ZNF407: variants seen among roughly 807,000 people sequenced by gnomAD.
ZNF407 encodes zinc finger protein 407.
A neutral mutation model predicts 131.2 loss-of-function variants in ZNF407; 17 were observed. The ratio of observed to expected loss-of-function variants is 0.13; its 90% CI spans 0.09 to 0.19. The LOEUF (loss-of-function observed/expected upper bound fraction) is 0.19, where lower values mean the gene tolerates loss of function less well. Ranked by LOEUF, ZNF407 falls within the 10% of genes least tolerant of loss-of-function variation. The pLI is 1.00. For synonymous variants in ZNF407, 1,156 were observed against 1,062.0 expected (o/e 1.09, Z -1.72); for missense variants, 2,681 against 2,830.6 (o/e 0.95, Z 1.20).
rs371771703 is a variant in ZNF407, at chr18:75,011,044, C to T, written c.5429-52106C>T. Among the ~76,000 whole-genome samples the T allele has an allele frequency of 2.6e-5, 4 of 152,246 alleles. No homozygotes were observed. In the South Asian group the frequency reaches 6.2e-4, roughly 24 times the overall value. ...TAGGAAGGGTGGTGGGAACACAGCA[C>T]TTGGAAAACCTGTGTGGAATTAGTG... On this transcript the variant is annotated intron_variant, in intron 8 of 8. Coordinates refer to ENST00000299687, the MANE Select transcript of ZNF407 (RefSeq NM_017757.3).
chr18:74,845,786 G>A (rs907006305), intron 4 of ZNF407, among the ~76,000 whole-genome samples: 2 of 152,144 alleles, frequency 1.3e-5, no homozygotes, highest in East Asian at 1.9e-4. Context: ...AAAATGTTGG[G>A]GAGATACATA....
At chr18:75,054,491 A>G (rs778311330) in intron 8 of ZNF407, among the ~76,000 whole-genome samples, 9 of 152,256 alleles carry the variant, frequency 5.9e-5, no homozygotes, top group Non-Finnish European at 1.2e-4. Flanking sequence ...TGCCAGAAAA[A>G]GAAAAAGGAA....
At chr18:74,979,457 A>T (rs1039415050) in intron 8 of ZNF407, among the ~76,000 whole-genome samples, 1 of 152,052 alleles carries the variant, frequency 6.6e-6, no homozygotes, top group Non-Finnish European at 1.5e-5. Context: ...ACGCCTGACT[A>T]ATTTTTGTAT....
intron 3 of ZNF407, among the ~76,000 whole-genome samples, chr18:74,712,648 G>C (rs573054257): frequency 6.6e-6 from 1 of 152,238 alleles, no homozygotes; most frequent in African/African-American, 2.4e-5. Flanking sequence ...TCTAGGCAGG[G>C]TGTGATGCAT....
intron 8 of ZNF407, among the ~76,000 whole-genome samples, chr18:74,946,250 A>G (rs1211115622): frequency 6.6e-6 from 1 of 152,204 alleles, no homozygotes; most frequent in Non-Finnish European, 1.5e-5. Context: ...GTTTGTGACT[A>G]ACAGTATGAT....
intron 3 of ZNF407, among the ~76,000 whole-genome samples, chr18:74,755,773 C>CTTTCTT (rs769763395): frequency 0.013 from 1,438 of 113,248 alleles, 33 homozygotes; most frequent in African/African-American, 0.041. Context: ...TTCTTTCTTT[C>CTTTCTT]TCTCTCTCTC....
At chr18:74,816,614 T>C (rs542195697) in intron 4 of ZNF407, among the ~76,000 whole-genome samples, 1 of 152,368 alleles carries the variant, frequency 6.6e-6, no homozygotes, top group African/African-American at 2.4e-5. Context: ...TTTGGCGTTT[T>C]ATTTGTGTGT....
chr18:74,635,691 A>G lies in ZNF407; in HGVS notation c.4672A>G (p.Ile1558Val). 1 of 1,590,660 alleles carries G rather than the reference A, an allele frequency of 6.3e-7. No homozygotes were observed. Among genetic ancestry groups the G allele is most frequent in the Non-Finnish European group, 8.6e-7 (1 of 1,167,920 alleles). ...SSNSMAFLAHIRTHTGSKPFK... is the reference protein window; with the variant it reads ...SSNSMAFLAHVRTHTGSKPFK... ...CAACTCGATGGCCTTCCTGGCACAC[A>G]TTCGCACTCACACAGGTATGTAGCT... Residue 1558 changes from isoleucine (I) to valine (V), a missense_variant, in exon 2 of 9, where the codon ATT becomes GTT. Ile to Val is a conservative substitution (Grantham distance 29). Coordinates refer to ENST00000299687, the MANE Select transcript of ZNF407 (RefSeq NM_017757.3). This position sits in a 1 kb window ranked among gnomAD's most constrained non-coding sequence, Gnocchi z 4.7.
chr18:74,651,941 C>G (rs1026379213), intron 3 of ZNF407, among the ~76,000 whole-genome samples: 1 of 152,108 alleles, frequency 6.6e-6, no homozygotes, highest in African/African-American at 2.4e-5. Context: ...AATGTTATAG[C>G]ATTGCTGTGT....
intron 3 of ZNF407, among the ~76,000 whole-genome samples, chr18:74,735,209 C>T (rs537256564): frequency 1.2e-4 from 18 of 152,092 alleles, no homozygotes; most frequent in Non-Finnish European, 2.4e-4. Context: ...CATTTGCTTT[C>T]GATGCCCTTC....
At chr18:74,765,171 G>A (rs745861471) in intron 3 of ZNF407, among the ~76,000 whole-genome samples, 7 of 152,142 alleles carry the variant, frequency 4.6e-5, no homozygotes, top group Non-Finnish European at 1.0e-4. Flanking sequence ...AATACCAAGG[G>A]ACGGGTGTAC....
intron 8 of ZNF407, among the ~76,000 whole-genome samples, chr18:74,969,571 A>G (rs2145301554): frequency 6.6e-6 from 1 of 152,292 alleles, no homozygotes; most frequent in East Asian, 1.9e-4. Context: ...GAGGGGGCAG[A>G]AAGGGGTTCC....
intron 8 of ZNF407, among the ~76,000 whole-genome samples, chr18:75,054,108 C>G (rs1318537400): frequency 1.3e-5 from 2 of 152,250 alleles, no homozygotes; most frequent in Admixed American, 6.5e-5. Context: ...GAAAGAGCAG[C>G]CATGTGCCCA....
intron 8 of ZNF407, among the ~76,000 whole-genome samples, chr18:74,927,917 T>TTG (rs1489179457): frequency 6.6e-6 from 1 of 152,188 alleles, no homozygotes; most frequent in African/African-American, 2.4e-5. Flanking sequence ...ACTTAAAACT[T>TTG]TTCAGAGTAG....
chr18:74,739,900 G>A (rs1346412397), intron 3 of ZNF407, among the ~76,000 whole-genome samples: 1 of 152,058 alleles, frequency 6.6e-6, no homozygotes, highest in East Asian at 1.9e-4. Flanking sequence ...CTTTATTATT[G>A]TTATTTCTTA....
chr18:74,991,701 A>C (rs375667976), intron 8 of ZNF407, among the ~76,000 whole-genome samples: 2 of 152,200 alleles, frequency 1.3e-5, no homozygotes, highest in Non-Finnish European at 1.5e-5. Flanking sequence ...AGATTTCTCT[A>C]ACATTTCTGA....
chr18:74,626,532 G>T (rs367642899), intron 1 of ZNF407, among the ~76,000 whole-genome samples: 2 of 152,280 alleles, frequency 1.3e-5, no homozygotes, highest in East Asian at 3.9e-4. Context: ...CTCAGTGCAC[G>T]AGTGTGTTGG....
chr18:74,770,602 T>C (rs1017061603), intron 3 of ZNF407, among the ~76,000 whole-genome samples: 9 of 152,166 alleles, frequency 5.9e-5, no homozygotes, highest in African/African-American at 2.2e-4. Flanking sequence ...TTATTTACAG[T>C]TCTTAGAATA....
At chr18:74,828,635 G>A (rs939308418) in intron 4 of ZNF407, among the ~76,000 whole-genome samples, 2 of 151,012 alleles carry the variant, frequency 1.3e-5, no homozygotes, top group Non-Finnish European at 3.0e-5. Flanking sequence ...CCACTGTATA[G>A]CTAGAAGGTT....
Sources: allele counts gnomAD v4.1 joint callset (sites outside exome capture counted in the v4.1 genomes callset), GRCh38; gene constraint gnomAD v4.1.1; non-coding constraint Gnocchi (gnomAD v3.1); transcripts MANE v1.5; gene names NCBI Gene and HGNC (gene_info 2026-07-23, HGNC 2026-07-21).